Variants in TRAPPC9 observed in about 807,000 individuals in gnomAD.
TRAPPC9 encodes the protein IKK2 binding protein.
A neutral mutation model predicts 124.0 loss-of-function variants in TRAPPC9; 83 were observed. The observed-to-expected ratio is 0.67, with a 90% CI of 0.56 to 0.80. The LOEUF (loss-of-function observed/expected upper bound fraction) is 0.80. Ranked by LOEUF, TRAPPC9 falls within the 30% of genes least tolerant of loss-of-function variation. The pLI, the probability that TRAPPC9 is intolerant of heterozygous loss-of-function variation, is 0.00. For synonymous variants in TRAPPC9, 638 were observed against 617.5 expected, an observed-to-expected ratio of 1.03 and a Z score of -0.49; for missense variants, 1,302 against 1,508.3, an observed-to-expected ratio of 0.86 and a Z score of 2.27.
intron 17 of TRAPPC9, among the ~76,000 whole-genome samples, chr8:140,201,945 G>A (rs1467584544): frequency 6.6e-6 from 1 of 152,114 alleles, no homozygotes; most frequent in Non-Finnish European, 1.5e-5. Flanking sequence ...TCAGAGCTAT[G>A]GCAGGTTGGG....
intron 17 of TRAPPC9, among the ~76,000 whole-genome samples, chr8:140,158,659 C>T (rs542819621): frequency 2.6e-5 from 4 of 152,246 alleles, no homozygotes; most frequent in South Asian, 2.1e-4. Context: ...CTAAAGTAAA[C>T]GATATTTGAT....
At chr8:139,957,545 C>T (rs530354452) in intron 19 of TRAPPC9, among the ~76,000 whole-genome samples, 121 of 152,304 alleles carry the variant, frequency 7.9e-4, no homozygotes, top group African/African-American at 2.6e-3. Context: ...ATGGCAACAC[C>T]GTACCATGCC....
At chr8:139,959,886 C>G (rs1395611771) in intron 19 of TRAPPC9, among the ~76,000 whole-genome samples, 1 of 152,212 alleles carries the variant, frequency 6.6e-6, no homozygotes, top group African/African-American at 2.4e-5. Context: ...TCAGACCACA[C>G]AAGACCCAGG....
At chr8:139,829,879 C>T (rs1348975214) in intron 21 of TRAPPC9, among the ~76,000 whole-genome samples, 2 of 152,202 alleles carry the variant, frequency 1.3e-5, no homozygotes, top group Non-Finnish European at 2.9e-5. Context: ...GGTCACACGC[C>T]TAGTGAGTGA....
intron 15 of TRAPPC9, among the ~76,000 whole-genome samples, chr8:140,266,134 C>G (rs1191872061): frequency 1.3e-5 from 2 of 151,794 alleles, no homozygotes; most frequent in Admixed American, 1.3e-4. Context: ...AGCAAGAGTT[C>G]ACCTCTTTCA....
At chr8:140,307,061 T>G (rs2066157774) in intron 10 of TRAPPC9, among the ~76,000 whole-genome samples, 1 of 152,172 alleles carries the variant, frequency 6.6e-6, no homozygotes, top group Admixed American at 6.5e-5. Context: ...TTGCAGGGAC[T>G]CGGTCCGATC....
chr8:140,199,958 T>C (rs1021121975), intron 17 of TRAPPC9, among the ~76,000 whole-genome samples: 1 of 152,072 alleles, frequency 6.6e-6, no homozygotes, highest in Admixed American at 6.6e-5. Context: ...TAAATAAAAA[T>C]TTTTTTAAAA....
At chr8:140,372,888 C>T (rs987761969) in intron 7 of TRAPPC9, among the ~76,000 whole-genome samples, 3 of 152,210 alleles carry the variant, frequency 2.0e-5, no homozygotes, top group Non-Finnish European at 4.4e-5. Context: ...TTTGTGACAG[C>T]AGCCTCACCG....
chr8:140,035,712 G>A (rs969756643), intron 17 of TRAPPC9, among the ~76,000 whole-genome samples: 19 of 152,290 alleles, frequency 1.2e-4, no homozygotes, highest in Non-Finnish European at 2.4e-4. Context: ...AGCCACAATC[G>A]CCAGGCCCTA....
rs1453500625 is a variant in TRAPPC9 at position 139,788,982 on chromosome 8, T to A, written c.3056-56780A>T. On this transcript the variant is annotated intron_variant, in intron 21 of 22. Coordinates refer to ENST00000438773, the MANE Select transcript of TRAPPC9 (RefSeq NM_001160372.4). This position sits in a 1 kb window ranked among gnomAD's most constrained non-coding sequence, Gnocchi z 4.9. ...CAAAAACAAAACACTGAATTCTTTC[T>A]GAGAAACATTCTATCCATGAAGATG... Among the ~76,000 whole-genome samples, 8 of 152,350 alleles carry A rather than the reference T, an allele frequency of 5.3e-5. No homozygotes were observed. The South Asian group carries it at 8.3e-4, about 16-fold the overall frequency.
chr8:140,144,009 T>C (rs1380127127), intron 17 of TRAPPC9, among the ~76,000 whole-genome samples: 1 of 152,214 alleles, frequency 6.6e-6, no homozygotes, highest in Non-Finnish European at 1.5e-5. Flanking sequence ...TACCTATAAA[T>C]CTGATTTGGG....
At chr8:140,102,308 G>A (rs1427052008) in intron 17 of TRAPPC9, among the ~76,000 whole-genome samples, 1 of 152,116 alleles carries the variant, frequency 6.6e-6, no homozygotes. Context: ...CTACCCAGGT[G>A]GAAATGAAAG....
At position 139,730,018 on chromosome 8, in the gene TRAPPC9, C is replaced by T. The variant is rs1817725540; in HGVS notation, c.*1043G>A. Among the ~76,000 whole-genome samples the T allele has an allele frequency of 6.6e-6, 1 of 152,138 alleles. No individual in the cohort carries two copies. The highest frequency in any genetic ancestry group is 2.4e-5 in the African/African-American group (1 of 41,426). On this transcript the variant is annotated 3_prime_UTR_variant, in exon 23 of 23. Transcript: ENST00000438773. The stretch of plus-strand genomic sequence containing the variant: ...AGTGTAGACACACCCCAGCTCTGGC[C>T]CTCAAGGGAGATGTGAGCCGTGTGC...
intron 21 of TRAPPC9, among the ~76,000 whole-genome samples, chr8:139,800,762 G>A (rs1218131209): frequency 1.3e-5 from 2 of 152,006 alleles, no homozygotes; most frequent in Non-Finnish European, 2.9e-5. Flanking sequence ...CCTCTCTCTG[G>A]TATCTTCCCT....
intron 10 of TRAPPC9, among the ~76,000 whole-genome samples, chr8:140,305,128 G>C (rs1443355898): frequency 6.6e-6 from 1 of 152,148 alleles, no homozygotes; most frequent in African/African-American, 2.4e-5. Flanking sequence ...TTCTTGAGAG[G>C]GGGGCTCTTG....
intron 21 of TRAPPC9, among the ~76,000 whole-genome samples, chr8:139,794,254 G>A (rs1029169167): frequency 6.6e-6 from 1 of 152,200 alleles, no homozygotes; most frequent in African/African-American, 2.4e-5. Context: ...TGACCTTGGT[G>A]GTCCCCTAAC....
Position 140,287,679 on chromosome 8 carries a change from G to A in TRAPPC9, c.1910C>T (p.Pro637Leu), listed in dbSNP as rs200583642. The A allele has an allele frequency of 3.7e-5, 59 of 1,614,168 alleles. No individual in the cohort carries two copies. The highest frequency in any genetic ancestry group is 3.1e-5 in the Non-Finnish European group (37 of 1,180,026). ...FESLPAALSL[P>L]AESGLYPVTL... ...CACTGGGTACAGACCAGATTCAGCCGGAAGAGAAAGCGCCGCAGGGAGAGA... is the reference window on the plus strand; with the variant it reads ...CACTGGGTACAGACCAGATTCAGCCAGAAGAGAAAGCGCCGCAGGGAGAGA... The change falls in exon 13 of 23, where the codon CCG becomes CTG. Residue 637 changes from proline (P) to leucine (L), a missense_variant. Pro to Leu is a moderately conservative substitution (Grantham distance 98). This residue lies in a region of TRAPPC9 where 640 missense variants were observed against 679.3 expected (regional missense o/e 0.94). Coordinates refer to ENST00000438773, the MANE Select transcript of TRAPPC9 (RefSeq NM_001160372.4).
At chr8:139,849,852 A>G (rs755340654) in intron 21 of TRAPPC9, among the ~76,000 whole-genome samples, 4 of 152,210 alleles carry the variant, frequency 2.6e-5, no homozygotes, top group Non-Finnish European at 5.9e-5. Context: ...CTCTGCCAGC[A>G]TACCTCACTT....
chr8:140,017,411 A>G (rs1839540323), intron 18 of TRAPPC9, among the ~76,000 whole-genome samples: 1 of 152,230 alleles, frequency 6.6e-6, no homozygotes, highest in African/African-American at 2.4e-5. Flanking sequence ...GATGTGATGT[A>G]TGGGTGAAGG....
Sources: allele counts gnomAD v4.1 joint callset (sites outside exome capture counted in the v4.1 genomes callset), GRCh38; gene constraint gnomAD v4.1.1; regional missense constraint gnomAD v4.1.1; non-coding constraint Gnocchi (gnomAD v3.1); transcripts MANE v1.5; gene names NCBI Gene and HGNC (gene_info 2026-07-23, HGNC 2026-07-21).